FAM13A: variants seen among roughly 807,000 people sequenced by gnomAD.
The protein encoded by FAM13A is family with sequence similarity 13 member A, also known as protein FAM13A.
Under a neutral mutation model 129.6 loss-of-function variants are expected in FAM13A, and 76 were observed. The ratio of observed to expected loss-of-function variants is 0.59; its 90% confidence interval spans 0.49 to 0.71. The LOEUF (loss-of-function observed/expected upper bound fraction) is 0.71, where lower values mean the gene tolerates loss of function less well. FAM13A is among the 30% of genes least tolerant of loss of function. FAM13A has a pLI of 0.00. For missense variants in FAM13A, 1,108 were observed against 1,249.3 expected, an observed-to-expected ratio of 0.89 and a Z score of 1.70; for synonymous variants, 443 against 449.9, an observed-to-expected ratio of 0.98 and a Z score of 0.20.
At chr4:88,893,826 C>G (rs75122537) in intron 6 of FAM13A, among the ~76,000 whole-genome samples, 4 of 118,070 alleles carry the variant, frequency 3.4e-5, no homozygotes. Context: ...GACTCCGTCT[C>G]AAAAAAAAAA....
intron 4 of FAM13A, among the ~76,000 whole-genome samples, chr4:88,988,383 T>C (rs1205682136): frequency 6.6e-6 from 1 of 152,218 alleles, no homozygotes; most frequent in Non-Finnish European, 1.5e-5. Context: ...CCAAATGATA[T>C]GATGGAATTG....
At chr4:88,829,195 T>C (rs145574408) in intron 7 of FAM13A, among the ~76,000 whole-genome samples, 32 of 152,358 alleles carry the variant, frequency 2.1e-4, no homozygotes, top group African/African-American at 7.0e-4. Flanking sequence ...TAAGATATAA[T>C]GATATATTAA....
At chr4:88,830,183 G>A (rs947215900) in intron 7 of FAM13A, among the ~76,000 whole-genome samples, 4 of 152,280 alleles carry the variant, frequency 2.6e-5, no homozygotes, top group African/African-American at 9.6e-5. Context: ...GAGGAAAGAG[G>A]AAGGTGCAAA....
At chr4:88,970,109 G>T (rs1254784611) in intron 4 of FAM13A, among the ~76,000 whole-genome samples, 1 of 152,202 alleles carries the variant, frequency 6.6e-6, no homozygotes, top group Non-Finnish European at 1.5e-5. Context: ...TGAGGATTAT[G>T]AAAAGCTTAT....
intron 6 of FAM13A, among the ~76,000 whole-genome samples, chr4:88,888,868 G>T (rs1002808624): frequency 6.6e-6 from 1 of 151,284 alleles, no homozygotes; most frequent in Non-Finnish European, 1.5e-5. Context: ...CCCGGGAGGC[G>T]GAGCTTGCAG....
intron 6 of FAM13A, among the ~76,000 whole-genome samples, chr4:88,894,163 A>G (rs1341100246): frequency 6.6e-6 from 1 of 152,258 alleles, no homozygotes; most frequent in Admixed American, 6.5e-5. Context: ...AGCATTTGAA[A>G]TGTCCTGACA....
At position 88,790,638 on chromosome 4, in the gene FAM13A, G is replaced by T. The variant is rs763949307; in HGVS notation, c.1050-11C>A. The T allele has an allele frequency of 6.2e-7, 1 of 1,608,808 alleles. No homozygotes were observed. The highest frequency in any genetic ancestry group is 8.5e-7 in the Non-Finnish European group (1 of 1,177,014). The stretch of plus-strand genomic sequence containing the variant: ...TGGGGTACATGAGCACTGCAGAAAA[G>T]AAGCAAAGAGAAAGTCAGGTTAGAT... On this transcript the variant is annotated splice_polypyrimidine_tract_variant and intron_variant, in intron 8 of 23. Coordinates refer to ENST00000264344, the MANE Select transcript of FAM13A (RefSeq NM_014883.4).
chr4:88,964,968 A>T (rs1759157231), intron 4 of FAM13A, among the ~76,000 whole-genome samples: 1 of 152,154 alleles, frequency 6.6e-6, no homozygotes, highest in Admixed American at 6.5e-5. Flanking sequence ...ATAATAGAAA[A>T]TCTAAAAAGA....
chr4:88,822,080 A>C (rs970474990), intron 7 of FAM13A, among the ~76,000 whole-genome samples: 1 of 150,824 alleles, frequency 6.6e-6, no homozygotes, highest in Non-Finnish European at 1.5e-5. Flanking sequence ...TTGATTTAAA[A>C]TTTTTTTTTT....
At chr4:88,956,859 C>T (rs534729899) in intron 4 of FAM13A, among the ~76,000 whole-genome samples, 1 of 152,134 alleles carries the variant, frequency 6.6e-6, no homozygotes, top group African/African-American at 2.4e-5. Flanking sequence ...GCTTATAATA[C>T]AGTTTGGATT....
At chr4:88,746,784 T>C in intron 19 of FAM13A, 148 bp downstream of exon 19, 1 of 592,742 alleles carries the variant, frequency 1.7e-6, no homozygotes. Flanking sequence ...AAAGCTTAGT[T>C]ATGGTGTAAA....
At chr4:88,835,644 G>A in intron 7 of FAM13A, among the ~76,000 whole-genome samples, 1 of 152,038 alleles carries the variant, frequency 6.6e-6, no homozygotes, top group Admixed American at 6.6e-5. Flanking sequence ...GGGGAGATGG[G>A]AGACAGTGAC....
intron 6 of FAM13A, among the ~76,000 whole-genome samples, chr4:88,904,852 A>C (rs1463506461): frequency 2.0e-5 from 3 of 152,188 alleles, no homozygotes; most frequent in Non-Finnish European, 4.4e-5. Flanking sequence ...TTTCTTACTA[A>C]GGGAAACAAA....
intron 8 of FAM13A, among the ~76,000 whole-genome samples, chr4:88,791,486 A>G (rs1175319212): frequency 6.6e-6 from 1 of 152,090 alleles, no homozygotes; most frequent in African/African-American, 2.4e-5. Flanking sequence ...CATTCTCACA[A>G]TCTGCCCTCT....
chr4:89,003,433 A>G (rs1764554859), intron 3 of FAM13A, among the ~76,000 whole-genome samples: 4 of 152,064 alleles, frequency 2.6e-5, no homozygotes, highest in African/African-American at 9.7e-5. Flanking sequence ...CAACATGGGG[A>G]AACCCTGTCT....
intron 7 of FAM13A, among the ~76,000 whole-genome samples, chr4:88,818,305 A>G (rs1731186053): frequency 6.6e-6 from 1 of 152,060 alleles, no homozygotes; most frequent in African/African-American, 2.4e-5. Flanking sequence ...GCCTAGTCCT[A>G]TCACATTCTT....
intron 7 of FAM13A, among the ~76,000 whole-genome samples, chr4:88,840,713 C>T (rs1452507043): frequency 2.6e-5 from 4 of 151,714 alleles, no homozygotes; most frequent in African/African-American, 9.7e-5. Flanking sequence ...AACCTCTGGA[C>T]TGTGCTATTA....
chr4:88,850,024 A>G (rs1348400997), intron 7 of FAM13A, among the ~76,000 whole-genome samples: 1 of 152,110 alleles, frequency 6.6e-6, no homozygotes, highest in African/African-American at 2.4e-5. Flanking sequence ...ATCCAGCCCA[A>G]ATGCTATGTC....
chr4:89,052,446 C>T (rs1026190046), intron 1 of FAM13A, among the ~76,000 whole-genome samples: 1 of 141,498 alleles, frequency 7.1e-6, no homozygotes, highest in African/African-American at 2.6e-5. Flanking sequence ...TCTCCTAAAG[C>T]TATCCCTCCC....
Sources: allele counts gnomAD v4.1 joint callset (sites outside exome capture counted in the v4.1 genomes callset), GRCh38; gene constraint gnomAD v4.1.1; transcripts MANE v1.5; gene names NCBI Gene and HGNC (gene_info 2026-07-23, HGNC 2026-07-21).